Variants in SPATS2 observed in about 807,000 individuals in gnomAD.
SPATS2 encodes spermatogenesis-associated serine-rich protein 2.
Under a neutral mutation model 63.7 loss-of-function variants are expected in SPATS2, and 38 were observed. That is an observed-to-expected ratio of 0.60 (90% CI 0.46 to 0.78). SPATS2 has a LOEUF of 0.78. SPATS2 is among the 30% of genes least tolerant of loss of function. The pLI is 0.00. For missense variants in SPATS2, 588 were observed against 666.2 expected (o/e 0.88, Z 1.29); for synonymous variants, 207 against 232.9 (o/e 0.89, Z 1.01).
At chr12:49,394,522 A>G (rs778427684) in intron 2 of SPATS2, among the ~76,000 whole-genome samples, 1 of 151,878 alleles carries the variant, frequency 6.6e-6, no homozygotes, top group Non-Finnish European at 1.5e-5. Flanking sequence ...GGTCTTTAAT[A>G]TCTCTCCATG....
At chr12:49,425,183 T>C (rs1329202514) in intron 2 of SPATS2, among the ~76,000 whole-genome samples, 2 of 152,152 alleles carry the variant, frequency 1.3e-5, no homozygotes, top group Non-Finnish European at 2.9e-5. Flanking sequence ...AAACCCTTTT[T>C]TTAGATTTTT....
At chr12:49,400,191 A>G (rs1416050132) in intron 2 of SPATS2, among the ~76,000 whole-genome samples, 1 of 152,164 alleles carries the variant, frequency 6.6e-6, no homozygotes, top group African/African-American at 2.4e-5. Context: ...TGTTGCAGAT[A>G]TCTAAGTAAG....
chr12:49,484,297 G>A (rs535700324), intron 3 of SPATS2, among the ~76,000 whole-genome samples: 1 of 152,256 alleles, frequency 6.6e-6, no homozygotes, highest in South Asian at 2.1e-4. Context: ...TTTTTAGAAG[G>A]CCTTAAGGTG....
At chr12:49,427,121 C>T (rs1188310148) in intron 2 of SPATS2, among the ~76,000 whole-genome samples, 1 of 152,042 alleles carries the variant, frequency 6.6e-6, no homozygotes, top group African/African-American at 2.4e-5. Flanking sequence ...TTCACATCCT[C>T]CTATGGCAAA....
intron 1 of SPATS2, among the ~76,000 whole-genome samples, chr12:49,369,008 T>C (rs1263826085): frequency 6.6e-6 from 1 of 151,780 alleles, no homozygotes; most frequent in East Asian, 1.9e-4. Flanking sequence ...AGTGCAGTGT[T>C]CTCATTAGTG....
At chr12:49,519,260 T>G in intron 11 of SPATS2, 78 bp downstream of exon 11, 44 of 1,061,382 alleles carry the variant, frequency 4.1e-5, no homozygotes, top group Non-Finnish European at 5.3e-5. Flanking sequence ...TTCATGGCCA[T>G]ATCTAATATA....
chr12:49,410,195 C>G (rs1944772985), intron 2 of SPATS2, among the ~76,000 whole-genome samples: 2 of 152,004 alleles, frequency 1.3e-5, no homozygotes, highest in African/African-American at 4.8e-5. Flanking sequence ...CCTGCCTCAG[C>G]CTCCTGAGTA....
chr12:49,493,038 C>T (rs1455748248), intron 6 of SPATS2, among the ~76,000 whole-genome samples: 2 of 149,104 alleles, frequency 1.3e-5, no homozygotes, highest in Admixed American at 1.4e-4. Context: ...GTGGAGGTTG[C>T]AGTGAGCCGA....
At chr12:49,459,086 T>C (rs888554631) in intron 2 of SPATS2, among the ~76,000 whole-genome samples, 4 of 151,914 alleles carry the variant, frequency 2.6e-5, no homozygotes, top group Non-Finnish European at 5.9e-5. Flanking sequence ...AGAGGAGGGG[T>C]CAGCCCATAA....
intron 4 of SPATS2, among the ~76,000 whole-genome samples, chr12:49,485,940 A>G (rs1946284892): frequency 6.6e-6 from 1 of 150,786 alleles, no homozygotes; most frequent in Non-Finnish European, 1.5e-5. Flanking sequence ...TTATATTTTT[A>G]GTAGAGACAG....
intron 2 of SPATS2, among the ~76,000 whole-genome samples, chr12:49,402,304 G>T (rs997622322): frequency 6.6e-6 from 1 of 152,240 alleles, no homozygotes; most frequent in African/African-American, 2.4e-5. Flanking sequence ...TGATTATAAT[G>T]ATGGACCTTG....
intron 9 of SPATS2, among the ~76,000 whole-genome samples, chr12:49,504,770 C>CTTTCT (rs1220484266): frequency 0.055 from 5,434 of 99,134 alleles, 213 homozygotes; most frequent in African/African-American, 0.074. Context: ...TTCTTTCTTT[C>CTTTCT]TTTTTTTTTT....
intron 2 of SPATS2, among the ~76,000 whole-genome samples, chr12:49,406,139 T>C (rs1170369049): frequency 6.6e-6 from 1 of 151,360 alleles, no homozygotes; most frequent in Non-Finnish European, 1.5e-5. Flanking sequence ...TGGTGCATGC[T>C]GGTAATCCCA....
chr12:49,378,012 A>G (rs116590402), intron 2 of SPATS2, among the ~76,000 whole-genome samples: 13,995 of 152,128 alleles, frequency 0.092, 741 homozygotes, highest in African/African-American at 0.14. Flanking sequence ...TGCTCTTGAC[A>G]CCCAGGCTGG....
At chr12:49,440,696 T>C (rs2137549070) in intron 2 of SPATS2, among the ~76,000 whole-genome samples, 1 of 152,292 alleles carries the variant, frequency 6.6e-6, no homozygotes, top group Non-Finnish European at 1.5e-5. Flanking sequence ...CTCGATCTCT[T>C]GACCTTGTGA....
intron 2 of SPATS2, among the ~76,000 whole-genome samples, chr12:49,453,663 G>GT (rs1289069789): frequency 6.6e-6 from 1 of 151,794 alleles, no homozygotes; most frequent in African/African-American, 2.4e-5. Context: ...AATAAAAGAA[G>GT]TTAGCTGGGT....
chr12:49,484,567 A>C (rs1414009962), intron 3 of SPATS2, 23 bp from the exon 4 acceptor site: 1 of 1,608,624 alleles, frequency 6.2e-7, no homozygotes, highest in South Asian at 1.1e-5. Context: ...CATGTTGAAT[A>C]TATTTTTCCC....
At chr12:49,463,632 C>T (rs1251802599) in intron 3 of SPATS2, 1 of 152,124 alleles carries the variant, frequency 6.6e-6, no homozygotes, top group Non-Finnish European at 1.5e-5. Flanking sequence ...TTCATTTATA[C>T]GTTTAAAGTG....
intron 4 of SPATS2, among the ~76,000 whole-genome samples, chr12:49,488,772 T>A (rs1320942129): frequency 6.6e-6 from 1 of 152,196 alleles, no homozygotes; most frequent in Non-Finnish European, 1.5e-5. Flanking sequence ...TGTATTTATG[T>A]AGTGCAAAAT....
Sources: allele counts gnomAD v4.1 joint callset (sites outside exome capture counted in the v4.1 genomes callset), GRCh38; gene constraint gnomAD v4.1.1; transcripts MANE v1.5; gene names NCBI Gene and HGNC (gene_info 2026-07-23, HGNC 2026-07-21).